The following WDPCP variants were observed in gnomAD, a reference collection of about 807,000 sequenced individuals.
WDPCP encodes the protein WD repeat-containing and planar cell polarity effector protein fritz homolog.
WDPCP carries 71 observed loss-of-function variants against 93.1 expected under a neutral mutation model. The observed-to-expected ratio is 0.76, with a 90% CI of 0.63 to 0.93. WDPCP has a LOEUF of 0.93. Among genes scored for constraint, WDPCP ranks in the 40% least tolerant of loss-of-function variants. WDPCP has a pLI of 0.00. For missense variants in WDPCP, 844 were observed against 887.4 expected (o/e 0.95, Z 0.62); for synonymous variants, 315 against 315.0 (o/e 1.00, Z 0.00).
upstream of WDPCP, among the ~76,000 whole-genome samples, chr2:63,828,376 C>T (rs1671143357): frequency 6.6e-6 from 1 of 152,060 alleles, no homozygotes; most frequent in Non-Finnish European, 1.5e-5. Flanking sequence ...AACTTTCTAT[C>T]CCTTACCCTG....
chr2:63,780,617 T>C (rs1670371793), intron 2 of WDPCP, among the ~76,000 whole-genome samples: 1 of 152,176 alleles, frequency 6.6e-6, no homozygotes, highest in Middle Eastern at 3.2e-3. Flanking sequence ...GTGTAAGAAA[T>C]GAAAGGCAAA....
At chr2:63,152,149 C>T (rs1386650141) in intron 17 of WDPCP, among the ~76,000 whole-genome samples, 3 of 151,826 alleles carry the variant, frequency 2.0e-5, no homozygotes, top group African/African-American at 7.3e-5. Flanking sequence ...CATTATTATA[C>T]ACCTTTTATT....
At chr2:63,577,938 C>T (rs2106530253) in intron 1 of WDPCP, among the ~76,000 whole-genome samples, 1 of 152,274 alleles carries the variant, frequency 6.6e-6, no homozygotes, top group Admixed American at 6.5e-5. Context: ...ATACCCAACA[C>T]AGGAAATCTT....
intron 15 of WDPCP, among the ~76,000 whole-genome samples, chr2:63,155,344 G>A (rs958410739): frequency 1.3e-5 from 2 of 152,160 alleles, no homozygotes; most frequent in African/African-American, 4.8e-5. Flanking sequence ...GTGTGTCTGT[G>A]TGTGCATAGA....
intron 14 of WDPCP, among the ~76,000 whole-genome samples, chr2:63,219,364 A>T (rs1008203731): frequency 3.3e-5 from 5 of 152,192 alleles, no homozygotes; most frequent in Non-Finnish European, 7.3e-5. Context: ...ATGCCTCTCA[A>T]ATGCTTTGTT....
chr2:63,570,279 G>C (rs1707379782), intron 1 of WDPCP, among the ~76,000 whole-genome samples: 1 of 152,096 alleles, frequency 6.6e-6, no homozygotes, highest in Non-Finnish European at 1.5e-5. Flanking sequence ...CTTAAAAAAG[G>C]TCTGAAAACA....
intron 2 of WDPCP, among the ~76,000 whole-genome samples, chr2:63,798,201 A>C (rs917182050): frequency 9.9e-5 from 15 of 152,214 alleles, no homozygotes; most frequent in African/African-American, 3.6e-4. Context: ...GAAAGAAAAC[A>C]ATGTCAATGA....
intron 2 of WDPCP, among the ~76,000 whole-genome samples, chr2:63,700,732 C>A (rs997352620): frequency 6.6e-6 from 1 of 152,112 alleles, no homozygotes; most frequent in Non-Finnish European, 1.5e-5. Flanking sequence ...TTACAGCCAA[C>A]TCATTTCAAC....
intron 2 of WDPCP, 45 bp downstream of exon 2, chr2:63,492,811 G>GT (rs1358887314): frequency 3.9e-6 from 6 of 1,545,046 alleles, no homozygotes; most frequent in Non-Finnish European, 5.4e-6. Flanking sequence ...TTATAATGGT[G>GT]TAACATATTT....
At chr2:63,574,081 C>T (rs1436313132) in intron 1 of WDPCP, among the ~76,000 whole-genome samples, 1 of 152,146 alleles carries the variant, frequency 6.6e-6, no homozygotes, top group Non-Finnish European at 1.5e-5. Flanking sequence ...TTTAATTTCA[C>T]CCTGGTCCTG....
intron 1 of WDPCP, among the ~76,000 whole-genome samples, chr2:63,498,484 A>T (rs780764724): frequency 1.3e-5 from 2 of 152,218 alleles, no homozygotes; most frequent in Non-Finnish European, 2.9e-5. Flanking sequence ...TTTGGGTTAC[A>T]CTAGAGTAAA....
At chr2:63,600,177 GAATT>G (rs1310187485) in intron 3 of WDPCP, 1 of 152,174 alleles carries the variant, frequency 6.6e-6, no homozygotes, top group African/African-American at 2.4e-5. Flanking sequence ...CCTAACCTGA[GAATT>G]AATAATCCTT....
chr2:63,406,814 T>G (rs569946004), intron 9 of WDPCP, among the ~76,000 whole-genome samples: 10 of 152,286 alleles, frequency 6.6e-5, no homozygotes, highest in Non-Finnish European at 1.5e-4. Flanking sequence ...GGGTAGACAC[T>G]TGTCACATGA....
chr2:63,340,875 TC>T (rs1688787717), intron 12 of WDPCP, among the ~76,000 whole-genome samples: 1 of 152,166 alleles, frequency 6.6e-6, no homozygotes, highest in African/African-American at 2.4e-5. Flanking sequence ...CAGAAGTTCC[TC>T]CTTTTTAAAA....
chr2:63,752,443 C>CATAGTGG, intron 2 of WDPCP: 1 of 768,546 alleles, frequency 1.3e-6, no homozygotes, highest in Non-Finnish European at 2.3e-6. Flanking sequence ...CCACCTCCTC[C>CATAGTGG]ATAGTGGCAT....
chr2:63,272,884 T>G (rs1040053965), intron 13 of WDPCP, among the ~76,000 whole-genome samples: 2 of 152,124 alleles, frequency 1.3e-5, no homozygotes, highest in African/African-American at 4.8e-5. Flanking sequence ...ACATGGACAT[T>G]CACATACAGG....
chr2:63,718,143 T>G (rs1336688168), intron 2 of WDPCP, among the ~76,000 whole-genome samples: 1 of 152,080 alleles, frequency 6.6e-6, no homozygotes, highest in Non-Finnish European at 1.5e-5. Context: ...CACATTTTCT[T>G]TCTCCAATCA....
chr2:63,702,267 C>T (rs573800799), intron 2 of WDPCP, among the ~76,000 whole-genome samples: 2 of 152,262 alleles, frequency 1.3e-5, no homozygotes, highest in African/African-American at 4.8e-5. Flanking sequence ...CTCAGGTGAT[C>T]CGCCTGCTTC....
intron 2 of WDPCP, among the ~76,000 whole-genome samples, chr2:63,771,629 G>T (rs185945170): frequency 2.6e-5 from 4 of 151,820 alleles, no homozygotes; most frequent in African/African-American, 9.7e-5. Context: ...TGAGGTTTGG[G>T]GTACAATTGA....
Sources: gnomAD v4.1 joint callset for allele counts (sites outside exome capture counted in the v4.1 genomes callset) on GRCh38, gnomAD v4.1.1 for gene constraint, MANE v1.5 for transcripts, NCBI Gene and HGNC (gene_info 2026-07-23, HGNC 2026-07-21) for gene names.